CSMD3: variants seen among roughly 807,000 people sequenced by gnomAD.
CSMD3 encodes CUB and Sushi multiple domains 3.
CSMD3 carries 177 observed loss-of-function variants against 435.2 expected under a neutral mutation model. The ratio of observed to expected loss-of-function variants is 0.41; its 90% CI spans 0.36 to 0.46. The LOEUF (loss-of-function observed/expected upper bound fraction) is 0.46, where lower values mean the gene tolerates loss of function less well. Ranked by LOEUF, CSMD3 falls within the 20% of genes least tolerant of loss-of-function variation. CSMD3 has a pLI of 0.34. For missense variants in CSMD3, 4,265 were observed against 4,504.6 expected, an observed-to-expected ratio of 0.95 and a Z score of 1.52; for synonymous variants, 1,656 against 1,520.5, an observed-to-expected ratio of 1.09 and a Z score of -2.07.
intron 62 of CSMD3, 128 bp downstream of exon 62, chr8:112,255,126 T>C: frequency 2.8e-6 from 2 of 709,414 alleles, no homozygotes; most frequent in South Asian, 3.9e-5. Context: ...TGCCTTCTAA[T>C]TGCTTCTATA....
chr8:112,462,073 A>G (rs547639183), intron 32 of CSMD3, among the ~76,000 whole-genome samples: 2 of 152,220 alleles, frequency 1.3e-5, no homozygotes, highest in African/African-American at 4.8e-5. Flanking sequence ...ATGGCCAATT[A>G]GAGGCAAACG....
chr8:112,732,454 G>A (rs1479946774), intron 13 of CSMD3, among the ~76,000 whole-genome samples: 1 of 151,956 alleles, frequency 6.6e-6, no homozygotes, highest in African/African-American at 2.4e-5. Flanking sequence ...ATCGTGGCTG[G>A]GTGTGGTGGC....
intron 6 of CSMD3, among the ~76,000 whole-genome samples, chr8:113,009,522 A>G (rs1216514521): frequency 6.6e-6 from 1 of 151,818 alleles, no homozygotes; most frequent in East Asian, 1.9e-4. Context: ...ATCTGCTTTG[A>G]AAAAAAGCCC....
At chr8:112,413,347 T>A (rs1811558897) in intron 32 of CSMD3, among the ~76,000 whole-genome samples, 1 of 152,218 alleles carries the variant, frequency 6.6e-6, no homozygotes, top group African/African-American at 2.4e-5. Context: ...AAAGTTTGCA[T>A]AACATAAATT....
At chr8:112,687,171 CAG>C (rs2076031181) in intron 14 of CSMD3, among the ~76,000 whole-genome samples, 1 of 151,772 alleles carries the variant, frequency 6.6e-6, no homozygotes, top group Non-Finnish European at 1.5e-5. Context: ...TGAAAAATAA[CAG>C]AAATATCAGA....
intron 31 of CSMD3, among the ~76,000 whole-genome samples, chr8:112,491,331 T>C (rs1820670811): frequency 6.6e-6 from 1 of 152,138 alleles, no homozygotes; most frequent in African/African-American, 2.4e-5. Flanking sequence ...TTTATTTCTT[T>C]ATATATAACA....
At chr8:112,857,961 G>A (rs1200382920) in intron 11 of CSMD3, among the ~76,000 whole-genome samples, 2 of 151,670 alleles carry the variant, frequency 1.3e-5, no homozygotes, top group Non-Finnish European at 3.0e-5. Context: ...CAACTGAGGG[G>A]TTTGATTTAG....
chr8:112,472,712 GA>G lies in CSMD3; in HGVS notation c.5279-6del. 4 of 1,526,738 alleles carry G rather than the reference GA, an allele frequency of 2.6e-6. No individual in the cohort carries two copies. The highest frequency in any genetic ancestry group is 2.3e-5 in the East Asian group (1 of 44,362). The allele number at this position is 1,526,738 out of a possible 1,614,324, so 94.6% of individuals were successfully genotyped here. On this transcript the variant is annotated splice_polypyrimidine_tract_variant and splice_region_variant and intron_variant, in intron 31 of 70. Transcript: ENST00000297405. ...TTGAACGACTTCCACAGGGCGCTAG[GA>G]AAAAATGGCAAAAATATCATTTTTA...
chr8:113,421,675 C>T (rs2094609442), intron 1 of CSMD3, among the ~76,000 whole-genome samples: 1 of 152,042 alleles, frequency 6.6e-6, no homozygotes, highest in Admixed American at 6.6e-5. Flanking sequence ...TCTGCCCTTC[C>T]CATCCTCCTC....
At chr8:113,423,730 T>C (rs1056590646) in intron 1 of CSMD3, among the ~76,000 whole-genome samples, 3 of 152,028 alleles carry the variant, frequency 2.0e-5, no homozygotes, top group Middle Eastern at 3.4e-3. Context: ...GTCGTCTTTA[T>C]GTTATGTGTT....
At chr8:112,225,652 T>G (rs767018095) in intron 70 of CSMD3, among the ~76,000 whole-genome samples, 1 of 152,176 alleles carries the variant, frequency 6.6e-6, no homozygotes, top group Non-Finnish European at 1.5e-5. Flanking sequence ...GGAAAGGTAC[T>G]TTGGAGTATC....
chr8:113,202,676 T>A (rs543348671), intron 3 of CSMD3, among the ~76,000 whole-genome samples: 1 of 152,148 alleles, frequency 6.6e-6, no homozygotes, highest in Admixed American at 6.6e-5. Context: ...CCATCATTCT[T>A]AGAACCTTAT....
chr8:112,995,180 A>G (rs2085600889), intron 6 of CSMD3, among the ~76,000 whole-genome samples: 1 of 151,488 alleles, frequency 6.6e-6, no homozygotes, highest in Non-Finnish European at 1.5e-5. Flanking sequence ...AAATAGAAAG[A>G]TCATGTCTGA....
intron 2 of CSMD3, chr8:113,314,191 G>A (rs2093892142): frequency 5.4e-6 from 1 of 184,402 alleles, no homozygotes; most frequent in Admixed American, 5.7e-5. Context: ...TTTGCATAGT[G>A]TTGTATATTA....
Position 112,333,299 on chromosome 8 carries a change from C to T in CSMD3, c.7165+2030G>A, listed in dbSNP as rs536812504. Among the ~76,000 whole-genome samples the T allele has an allele frequency of 1.8e-3, 270 of 152,218 alleles. 2 individuals carry two copies. Among genetic ancestry groups the T allele is most frequent in the Middle Eastern group, 6.8e-3 (2 of 294 alleles). ...TCTCCTGCCTCAGCCACCTGAGTAG[C>T]TGGGATTACAGGCATGAACCACCAC... On this transcript the variant is annotated intron_variant, in intron 45 of 70. Coordinates refer to ENST00000297405, the MANE Select transcript of CSMD3 (RefSeq NM_198123.2).
chr8:113,206,196 C>T (rs2092769100), intron 3 of CSMD3, among the ~76,000 whole-genome samples: 1 of 151,744 alleles, frequency 6.6e-6, no homozygotes, highest in Non-Finnish European at 1.5e-5. Context: ...CACATGTCCC[C>T]CTATATTTTG....
intron 12 of CSMD3, among the ~76,000 whole-genome samples, chr8:112,822,566 G>A (rs930381030): frequency 3.9e-5 from 6 of 152,034 alleles, no homozygotes; most frequent in African/African-American, 1.4e-4. Flanking sequence ...AGACAATGGG[G>A]TTTTCTAAAT....
At chr8:113,294,100 T>C (rs1342783340) in intron 2 of CSMD3, among the ~76,000 whole-genome samples, 1 of 152,072 alleles carries the variant, frequency 6.6e-6, no homozygotes, top group African/African-American at 2.4e-5. Flanking sequence ...CTTGTTACCA[T>C]GTATTACATT....
At chr8:112,970,758 G>A (rs747273088) in intron 7 of CSMD3, among the ~76,000 whole-genome samples, 11 of 146,710 alleles carry the variant, frequency 7.5e-5, no homozygotes, top group Non-Finnish European at 1.3e-4. Flanking sequence ...GCCTCTCTCT[G>A]TTGCTCAGGC....
Sources: allele counts gnomAD v4.1 joint callset (sites outside exome capture counted in the v4.1 genomes callset), GRCh38; gene constraint gnomAD v4.1.1; transcripts MANE v1.5; gene names NCBI Gene and HGNC (gene_info 2026-07-23, HGNC 2026-07-21).